CSTF3: variants seen among roughly 807,000 people sequenced by gnomAD.
The protein encoded by CSTF3 is CF-1 77 kDa subunit.
A neutral mutation model predicts 105.8 loss-of-function variants in CSTF3; 29 were observed. That is an observed-to-expected ratio of 0.27 (90% CI 0.20 to 0.37). The LOEUF is 0.37. Ranked by LOEUF, CSTF3 falls within the 10% of genes least tolerant of loss-of-function variation. The probability of loss-of-function intolerance (pLI) is 1.00; values close to 1 mark genes in which losing one functional copy is unlikely to be tolerated. For missense variants in CSTF3, 357 were observed against 879.3 expected, an observed-to-expected ratio of 0.41 and a Z score of 7.51; for synonymous variants, 252 against 281.9, an observed-to-expected ratio of 0.89 and a Z score of 1.06.
At chr11:33,151,696 G>C (rs1849782570) in intron 1 of CSTF3, among the ~76,000 whole-genome samples, 1 of 152,044 alleles carries the variant, frequency 6.6e-6, no homozygotes, top group Admixed American at 6.5e-5. Flanking sequence ...CATTTTGTGT[G>C]TTTTCCTTTT....
chr11:33,133,104 A>AG (rs1855617542), intron 3 of CSTF3, among the ~76,000 whole-genome samples: 1 of 152,126 alleles, frequency 6.6e-6, no homozygotes, highest in Non-Finnish European at 1.5e-5. Flanking sequence ...TATACTCACT[A>AG]GTAAGCTTCT....
chr11:33,086,874 TA>T, intron 18 of CSTF3, 113 bp downstream of exon 18: 1 of 1,177,690 alleles, frequency 8.5e-7, no homozygotes. Context: ...ATAGTGATCC[TA>T]AGTCTAATAA....
At chr11:33,110,941 T>C (rs1855372890) in intron 3 of CSTF3, among the ~76,000 whole-genome samples, 1 of 151,962 alleles carries the variant, frequency 6.6e-6, no homozygotes, top group Non-Finnish European at 1.5e-5. Context: ...CCTATAAAAA[T>C]AAAAGCAGGC....
chr11:33,114,945 C>A lies in CSTF3; in HGVS notation c.226-6527G>T, dbSNP rs139057763. Among the ~76,000 whole-genome samples the A allele has an allele frequency of 2.0e-3, 304 of 152,276 alleles. 6 individuals are homozygous for A. The East Asian group carries it at 0.022, about 11-fold the overall frequency. On this transcript the variant is annotated intron_variant, in intron 3 of 20. Coordinates refer to ENST00000323959, the MANE Select transcript of CSTF3 (RefSeq NM_001326.3). ...AAAGGAAAAAGTAAGTCTCTATATA[C>A]TTTGTGTAGGTTTTCACACAATAAC...
intron 8 of CSTF3, among the ~76,000 whole-genome samples, chr11:33,104,386 CTGT>C (rs1855308339): frequency 6.6e-6 from 1 of 152,154 alleles, no homozygotes; most frequent in African/African-American, 2.4e-5. Flanking sequence ...GAAAATCCAG[CTGT>C]TTTCTATTAC....
In CSTF3 at chr11:33,087,268, A is replaced by G. The variant is rs918151560; in HGVS notation, c.1642-127T>C. 6 of 907,126 alleles carry G rather than the reference A, an allele frequency of 6.6e-6. No individual in the cohort carries two copies. The African/African-American group carries it at 1.0e-4, about 15-fold the overall frequency. 56.2% of individuals were successfully genotyped at this position (907,126 alleles called of 1,614,324 possible). ...CCACAGAAAGAAAATGGAGACGGAT[A>G]AGCAAGGACTCTAATGATGGTAAAG... On this transcript the variant is annotated intron_variant, in intron 17 of 20. Coordinates refer to ENST00000323959, the MANE Select transcript of CSTF3 (RefSeq NM_001326.3).
At chr11:33,095,022 C>A (rs889663055) in intron 15 of CSTF3, among the ~76,000 whole-genome samples, 1 of 152,166 alleles carries the variant, frequency 6.6e-6, no homozygotes, top group Admixed American at 6.5e-5. Flanking sequence ...CCTCAGCCTC[C>A]CCAGTAGCTG....
At chr11:33,092,958 C>A (rs1855184110) in intron 15 of CSTF3, among the ~76,000 whole-genome samples, 1 of 152,160 alleles carries the variant, frequency 6.6e-6, no homozygotes, top group Non-Finnish European at 1.5e-5. Context: ...ACACTTCTTG[C>A]TAAACTCTAA....
chr11:33,158,695 T>A (rs760098439), intron 1 of CSTF3, among the ~76,000 whole-genome samples: 1 of 152,278 alleles, frequency 6.6e-6, no homozygotes, highest in South Asian at 2.1e-4. Context: ...TGTAATGATA[T>A]AATGTTAAGT....
chr11:33,104,543 G>A lies in CSTF3; in HGVS notation c.585+1024C>T, dbSNP rs150118156. Among the ~76,000 whole-genome samples, 110 of 152,192 alleles carry A rather than the reference G, an allele frequency of 7.2e-4. 3 individuals carry two copies. The East Asian group carries it at 0.02, about 28-fold the overall frequency. ...TCCCAACATTTTGGGAGGCCGAGGCGGGCTAATTGCTTGAGCTCAGGAGTT... is the reference window on the plus strand; with the variant it reads ...TCCCAACATTTTGGGAGGCCGAGGCAGGCTAATTGCTTGAGCTCAGGAGTT... On this transcript the variant is annotated intron_variant, in intron 8 of 20. Coordinates refer to ENST00000323959, the MANE Select transcript of CSTF3 (RefSeq NM_001326.3).
chr11:33,125,873 T>G (rs894633184), intron 3 of CSTF3, among the ~76,000 whole-genome samples: 1 of 152,146 alleles, frequency 6.6e-6, no homozygotes, highest in African/African-American at 2.4e-5. Flanking sequence ...CCCTCCCCAG[T>G]CCATTAGGCT....
At chr11:33,092,128 T>G (rs1010554351) in intron 16 of CSTF3, 143 bp downstream of exon 16, 1 of 546,044 alleles carries the variant, frequency 1.8e-6, no homozygotes, top group African/African-American at 2.0e-5. Flanking sequence ...ATAAAAGTAC[T>G]GCTGATAGGT....
chr11:33,148,835 G>C (rs1361064819), intron 1 of CSTF3, among the ~76,000 whole-genome samples: 7 of 150,700 alleles, frequency 4.6e-5, no homozygotes, highest in Non-Finnish European at 7.4e-5. Context: ...CAAGGAAAAA[G>C]CATGTGTGTG....
At position 33,128,018 on chromosome 11, in the gene CSTF3, T is replaced by C. The variant is rs561509607; in HGVS notation, c.225+13649A>G. ...AATTCATATAAAATAAGCAATCTTT[T>C]TTCTGTACAAAATAAGTCAATTTAG... On this transcript the variant is annotated intron_variant, in intron 3 of 20. Coordinates refer to ENST00000323959, the MANE Select transcript of CSTF3 (RefSeq NM_001326.3). Among the ~76,000 whole-genome samples the C allele has an allele frequency of 3.9e-5, 6 of 152,340 alleles. No individual in the cohort carries two copies. The South Asian group carries it at 1.2e-3, about 32-fold the overall frequency.
chr11:33,093,263 A>T (rs544801541), intron 15 of CSTF3, among the ~76,000 whole-genome samples: 14 of 152,370 alleles, frequency 9.2e-5, no homozygotes, highest in Admixed American at 7.8e-4. Context: ...ATTATACTTT[A>T]AAAAATGTTA....
At chr11:33,151,169 C>A (rs1207105056) in intron 1 of CSTF3, among the ~76,000 whole-genome samples, 1 of 151,966 alleles carries the variant, frequency 6.6e-6, no homozygotes, top group Non-Finnish European at 1.5e-5. Flanking sequence ...TGTAATCATA[C>A]AATATGTGTT....
In CSTF3 at chr11:33,124,602, C is replaced by T. The variant is rs1855524870; in HGVS notation, c.226-16184G>A. ...ACCAATTCAAATTCCAGTAAGAGTCCTTTCACTTATGAAAACTTTCATTGG... is the reference window on the plus strand; with the variant it reads ...ACCAATTCAAATTCCAGTAAGAGTCTTTTCACTTATGAAAACTTTCATTGG... On this transcript the variant is annotated intron_variant, in intron 3 of 20. Coordinates refer to ENST00000323959, the MANE Select transcript of CSTF3 (RefSeq NM_001326.3). Among the ~76,000 whole-genome samples the T allele has an allele frequency of 2.0e-5, 3 of 152,126 alleles. No homozygotes were observed. The South Asian group carries it at 6.2e-4, about 32-fold the overall frequency.
intron 10 of CSTF3, among the ~76,000 whole-genome samples, chr11:33,100,084 C>T (rs548381436): frequency 7.9e-4 from 120 of 152,130 alleles, no homozygotes; most frequent in African/African-American, 2.6e-3. Flanking sequence ...TGGCCAGGTG[C>T]GGTGGCTCAC....
chr11:33,159,466 G>A lies in CSTF3; in HGVS notation c.27+1833C>T, dbSNP rs1054598453. Among the ~76,000 whole-genome samples, 8 of 152,000 alleles carry A rather than the reference G, an allele frequency of 5.3e-5. No individual in the cohort carries two copies. The South Asian group carries it at 1.2e-3, about 24-fold the overall frequency. On this transcript the variant is annotated intron_variant, in intron 1 of 20. Transcript: ENST00000323959. ...ACAAAAATTAGCGGGGCATGGTGGTGGGCGCCTGTAATCCCAGCTACTGGG... is the reference window on the plus strand; with the variant it reads ...ACAAAAATTAGCGGGGCATGGTGGTAGGCGCCTGTAATCCCAGCTACTGGG...
Sources: gnomAD v4.1 joint callset for allele counts (sites outside exome capture counted in the v4.1 genomes callset) on GRCh38, gnomAD v4.1.1 for gene constraint, MANE v1.5 for transcripts, NCBI Gene and HGNC (gene_info 2026-07-23, HGNC 2026-07-21) for gene names.